CCDC146: variants seen among roughly 807,000 people sequenced by gnomAD.
CCDC146 encodes the protein coiled-coil domain containing 146.
CCDC146 carries 92 observed loss-of-function variants against 119.3 expected under a neutral mutation model. That is an observed-to-expected ratio of 0.77 (90% CI 0.65 to 0.92). CCDC146 has a LOEUF of 0.92. CCDC146 is among the 40% of genes least tolerant of loss of function. The probability of loss-of-function intolerance (pLI) is 0.00; values close to 1 mark genes in which losing one functional copy is unlikely to be tolerated. For missense variants in CCDC146, 1,000 were observed against 1,103.0 expected, an observed-to-expected ratio of 0.91 and a Z score of 1.32; for synonymous variants, 372 against 371.8, an observed-to-expected ratio of 1.00 and a Z score of -0.01.
intron 1 of CCDC146, among the ~76,000 whole-genome samples, chr7:77,127,755 CTTT>C (rs1026762628): frequency 2.6e-5 from 4 of 152,038 alleles, no homozygotes; most frequent in Admixed American, 2.6e-4. Context: ...TCTTTCTATT[CTTT>C]ACTTTTGGAG....
At chr7:77,276,203 C>T (rs1230789970) in intron 11 of CCDC146, among the ~76,000 whole-genome samples, 1 of 33,910 alleles carries the variant, frequency 2.9e-5, no homozygotes, top group Non-Finnish European at 5.2e-5. Context: ...GAGACTTCCT[C>T]TCAAAAATAA....
In CCDC146 at chr7:77,295,085, A is replaced by G. The variant is rs1024964413; in HGVS notation, c.*219A>G. The G allele has an allele frequency of 5.9e-6, 3 of 507,734 alleles. No individual in the cohort carries two copies. The highest frequency in any genetic ancestry group is 7.3e-5 in the Admixed American group (2 of 27,450). The allele number at this position is 507,734 out of a possible 1,614,324, so 31.5% of individuals were successfully genotyped here. On this transcript the variant is annotated 3_prime_UTR_variant, in exon 19 of 19. Coordinates refer to ENST00000285871, the MANE Select transcript of CCDC146 (RefSeq NM_020879.3). Reference sequence around the variant, plus strand: ...ATAGAACTGTCCTACATTTATGTCAAAGTATATATTTGAATCGCTTATATT... The same window carrying G: ...ATAGAACTGTCCTACATTTATGTCAGAGTATATATTTGAATCGCTTATATT...
intron 1 of CCDC146, among the ~76,000 whole-genome samples, chr7:77,123,582 A>G (rs1790655925): frequency 6.6e-6 from 1 of 151,868 alleles, no homozygotes; most frequent in African/African-American, 2.4e-5. Flanking sequence ...CCTAAAATGT[A>G]TTCCCTAAAT....
intron 9 of CCDC146, among the ~76,000 whole-genome samples, chr7:77,264,118 T>G (rs1192814769): frequency 6.6e-6 from 1 of 152,162 alleles, no homozygotes; most frequent in African/African-American, 2.4e-5. Context: ...ACAGGTAGAT[T>G]TATTTGTATC....
At chr7:77,198,305 C>T in intron 2 of CCDC146, 1 of 985,428 alleles carries the variant, frequency 1.0e-6, no homozygotes, top group Non-Finnish European at 1.2e-6. Flanking sequence ...GTCCTTTCAA[C>T]CTCACGTTCA....
chr7:77,255,340 G>A (rs1350351521), intron 5 of CCDC146: 1 of 152,124 alleles, frequency 6.6e-6, no homozygotes, highest in Non-Finnish European at 1.5e-5. Context: ...CAGATAGGAG[G>A]AATTCGTGGC....
At chr7:77,187,904 C>T (rs1391037422) in intron 2 of CCDC146, among the ~76,000 whole-genome samples, 2 of 152,146 alleles carry the variant, frequency 1.3e-5, no homozygotes, top group Admixed American at 6.5e-5. Flanking sequence ...TTGATGTATA[C>T]CTAACTTAAT....
chr7:77,127,676 C>A (rs947417851), intron 1 of CCDC146, among the ~76,000 whole-genome samples: 1 of 151,994 alleles, frequency 6.6e-6, no homozygotes, highest in African/African-American at 2.4e-5. Context: ...TTTTATTTGT[C>A]CTGCTCAGAA....
chr7:77,128,131 G>T (rs1476429392), intron 1 of CCDC146, among the ~76,000 whole-genome samples: 1 of 151,852 alleles, frequency 6.6e-6, no homozygotes, highest in Non-Finnish European at 1.5e-5. Flanking sequence ...CTGTTATGAG[G>T]TTGCTGTTTC....
intron 2 of CCDC146, among the ~76,000 whole-genome samples, chr7:77,213,890 T>C (rs1198972772): frequency 6.6e-6 from 1 of 152,226 alleles, no homozygotes; most frequent in Non-Finnish European, 1.5e-5. Flanking sequence ...CTTAGGTTGA[T>C]TCCATGACTG....
intron 2 of CCDC146, among the ~76,000 whole-genome samples, chr7:77,224,376 C>T (rs1222118667): frequency 3.3e-5 from 5 of 152,182 alleles, no homozygotes; most frequent in Non-Finnish European, 7.3e-5. Context: ...TCAGATCTTT[C>T]CTCCTTCTCC....
intron 2 of CCDC146, among the ~76,000 whole-genome samples, chr7:77,169,194 A>C (rs1791381452): frequency 6.6e-6 from 1 of 151,786 alleles, no homozygotes; most frequent in African/African-American, 2.4e-5. Flanking sequence ...CGATTTTCTT[A>C]TTATTAGATT....
intron 2 of CCDC146, 98 bp from the exon 3 acceptor site, chr7:77,236,849 A>T: frequency 1.1e-6 from 1 of 894,214 alleles, no homozygotes; most frequent in African/African-American, 1.6e-5. Context: ...TCTAATGTTT[A>T]ATGGAGGATT....
Position 77,283,409 on chromosome 7 carries a change from T to C in CCDC146, c.2148+624T>C, listed in dbSNP as rs140047312. ...TGTGTTACTTGGGGTTTATTCTTCA[T>C]AGAATTTTTTTAAAAATTAAAATAA... On this transcript the variant is annotated intron_variant, in intron 15 of 18. Transcript: ENST00000285871. 8.5e-4 allele frequency among the ~76,000 whole-genome samples: 129 copies of C among 152,320 alleles called. No homozygotes were observed. The Middle Eastern group carries it at 0.014, about 16-fold the overall frequency.
Position 77,294,942 on chromosome 7 carries a change from A to T in CCDC146, c.*76A>T. 1 of 1,138,612 alleles carries T rather than the reference A, an allele frequency of 8.8e-7. No homozygotes were observed. Among genetic ancestry groups the T allele is most frequent in the South Asian group, 1.4e-5 (1 of 70,348 alleles). The allele number at this position is 1,138,612 out of a possible 1,614,324, so 70.5% of individuals were successfully genotyped here. ...CTTGTACCCACAGGTGAAAAATGTG[A>T]GCATAATACTTCTAATATTATTGAT... On this transcript the variant is annotated 3_prime_UTR_variant, in exon 19 of 19. Transcript: ENST00000285871.
At chr7:77,192,276 A>G (rs958309480) in intron 2 of CCDC146, among the ~76,000 whole-genome samples, 6 of 152,166 alleles carry the variant, frequency 3.9e-5, no homozygotes, top group Non-Finnish European at 8.8e-5. Flanking sequence ...TAATCCTCTC[A>G]ATAACTCTAT....
rs1200130877 is a variant in CCDC146, at chr7:77,280,300, T to C, written c.1695-129T>C. The C allele has an allele frequency of 1.1e-5, 7 of 645,304 alleles. No individual in the cohort carries two copies. The South Asian group carries it at 1.3e-4, about 12-fold the overall frequency. 40.0% of individuals were successfully genotyped at this position (645,304 alleles called of 1,614,324 possible). A position where few individuals can be genotyped will look rare whatever the true frequency, so the allele number is the denominator to read the frequency against. ...ATCATAAGATGAATATCATTATTAC[T>C]AGTATCATTTCAAGGGCTACACTAA... On this transcript the variant is annotated intron_variant, in intron 13 of 18. Coordinates refer to ENST00000285871, the MANE Select transcript of CCDC146 (RefSeq NM_020879.3).
chr7:77,277,129 A>C (rs1793663877), intron 11 of CCDC146, among the ~76,000 whole-genome samples: 1 of 152,058 alleles, frequency 6.6e-6, no homozygotes, highest in Admixed American at 6.5e-5. Flanking sequence ...GAAGGAAAAG[A>C]AGGAAGAAGA....
intron 2 of CCDC146, among the ~76,000 whole-genome samples, chr7:77,187,292 G>C (rs1791682763): frequency 6.6e-6 from 1 of 152,176 alleles, no homozygotes; most frequent in Non-Finnish European, 1.5e-5. Context: ...CCTGTTTACA[G>C]GAGAAAAAAA....
Sources: allele counts gnomAD v4.1 joint callset (sites outside exome capture counted in the v4.1 genomes callset), GRCh38; gene constraint gnomAD v4.1.1; transcripts MANE v1.5; gene names NCBI Gene and HGNC (gene_info 2026-07-23, HGNC 2026-07-21).